Variants in LAMA5 observed in about 807,000 individuals in gnomAD.
The protein encoded by LAMA5 is laminin subunit alpha-5.
In LAMA5, 260 loss-of-function variants were observed where a neutral mutation model predicts 433.4. That is an observed-to-expected ratio of 0.60 (90% CI 0.54 to 0.66). The LOEUF is 0.66. Among genes scored for constraint, LAMA5 ranks in the 30% least tolerant of loss-of-function variants. The probability of loss-of-function intolerance (pLI) is 0.00; values close to 1 mark genes in which losing one functional copy is unlikely to be tolerated. For synonymous variants in LAMA5, 2,620 were observed against 2,226.6 expected (o/e 1.18, Z -4.97); for missense variants, 5,378 against 5,258.5 (o/e 1.02, Z -0.70).
chr20:62,315,028 C>T lies in LAMA5; in HGVS notation c.8047G>A (p.Val2683Met), dbSNP rs940033959. The T allele has an allele frequency of 6.3e-7, 1 of 1,589,892 alleles. No homozygotes were observed. Among genetic ancestry groups the T allele is most frequent in the Non-Finnish European group, 8.5e-7 (1 of 1,174,082 alleles). Residue 2683 changes from valine to methionine, a missense_variant and splice_region_variant, in exon 59 of 80, where the codon GTG (valine) becomes ATG (methionine). Physicochemically the swap from Val to Met is conservative, Grantham distance 21 (BLOSUM62 1). Coordinates refer to ENST00000252999, the MANE Select transcript of LAMA5 (RefSeq NM_005560.6). Reference protein sequence around the residue: ...GQAVLDAGHSVSTLEKTLPQL... With the variant: ...GQAVLDAGHSMSTLEKTLPQL... ...GGCACCGCGAGGGCCATGGGCGCACCTGAGTGGCCTGCGTCAAGCACTGCC... is the reference window on the plus strand; with the variant it reads ...GGCACCGCGAGGGCCATGGGCGCACTTGAGTGGCCTGCGTCAAGCACTGCC...
At position 62,359,307 on chromosome 20, in the gene LAMA5, C is replaced by T. The variant is rs1271058127; in HGVS notation, c.450+3093G>A. 1.3e-5 allele frequency among the ~76,000 whole-genome samples: 2 copies of T among 152,182 alleles called. No individual in the cohort carries two copies. Among genetic ancestry groups the T allele is most frequent in the East Asian group, 3.9e-4 (2 of 5,176 alleles). ...GGAGGGGACACAGGCCAGAGCCAGCCCCACTCACCCTGCCCAGCTCCTTAC... is the reference window on the plus strand; with the variant it reads ...GGAGGGGACACAGGCCAGAGCCAGCTCCACTCACCCTGCCCAGCTCCTTAC... On this transcript the variant is annotated intron_variant, in intron 2 of 79. Transcript: ENST00000252999. The surrounding 1 kb of genome is among the most constrained non-coding windows in gnomAD (Gnocchi z 4.3).
intron 48 of LAMA5, among the ~76,000 whole-genome samples, chr20:62,321,531 A>G (rs1374745210): frequency 6.9e-5 from 3 of 43,786 alleles, no homozygotes; most frequent in Non-Finnish European, 1.2e-4. Flanking sequence ...GGTCAGTGAA[A>G]GGGTGGCGCC....
chr20:62,311,074 A>G lies in LAMA5; in HGVS notation c.10109T>C (p.Val3370Ala). ...GAGGCCTCGGGAGCTTCGCGGGAGGACGTGCATGGAGAGACTGGGCCTGGA... is the reference window on the plus strand; with the variant it reads ...GAGGCCTCGGGAGCTTCGCGGGAGGGCGTGCATGGAGAGACTGGGCCTGGA... ...HRNWPSLSMHVLPRSSRGLLL... is the reference protein window; with the variant it reads ...HRNWPSLSMHALPRSSRGLLL... The change falls in exon 74 of 80, where the codon GTC becomes GCC. Residue 3370 changes from valine to alanine, a missense_variant. By Grantham distance (64) the Val-to-Ala change is moderately conservative (BLOSUM62 0). Transcript: ENST00000252999. 6.3e-7 allele frequency: 1 copy of G among 1,590,240 alleles called. No homozygotes were observed. Among genetic ancestry groups the G allele is most frequent in the Non-Finnish European group, 8.6e-7 (1 of 1,168,104 alleles).
intron 51 of LAMA5, 142 bp downstream of exon 51, chr20:62,319,542 T>A (rs536627670): frequency 4.9e-6 from 3 of 617,270 alleles, no homozygotes; most frequent in African/African-American, 3.7e-5. Context: ...CCTGCCCTAC[T>A]GTTCACTCCA....
chr20:62,314,947 A>G lies in LAMA5; in HGVS notation c.8048T>C (p.Val2683Ala). 1 of 1,596,298 alleles carries G rather than the reference A, an allele frequency of 6.3e-7. No individual in the cohort carries two copies. The highest frequency in any genetic ancestry group is 2.2e-5 in the East Asian group (1 of 44,730). The change falls in exon 60 of 80, where the codon GTG (valine) becomes GCG (alanine). Residue 2683 changes from valine (V) to alanine (A), a missense_variant and splice_region_variant. Coordinates refer to ENST00000252999, the MANE Select transcript of LAMA5 (RefSeq NM_005560.6). ...GQAVLDAGHS[V>A]STLEKTLPQL... ...GGGCAGCGTCTTCTCCAGGGTGGAC[A>G]CTGCAGAGAGGGAGACCTGAGACCT...
Position 62,317,466 on chromosome 20 carries a change from C to A in LAMA5, c.7390G>T (p.Ala2464Ser). 1 of 1,576,526 alleles carries A rather than the reference C, an allele frequency of 6.3e-7. No individual in the cohort carries two copies. Among genetic ancestry groups the A allele is most frequent in the Admixed American group, 1.8e-5 (1 of 55,846 alleles). ...LERLAASLDG[A>S]RTPLLQRMQT... ...ATCCTCTGCAGCAGTGGGGTCCGAGCCCCATCCAGGCTGGCGGCGAGGCGC... is the reference window on the plus strand; with the variant it reads ...ATCCTCTGCAGCAGTGGGGTCCGAGACCCATCCAGGCTGGCGGCGAGGCGC... The change falls in exon 55 of 80, where the codon GCT (alanine) becomes TCT (serine). Residue 2464 changes from alanine (A) to serine (S), a missense_variant. Coordinates refer to ENST00000252999, the MANE Select transcript of LAMA5 (RefSeq NM_005560.6).
intron 6 of LAMA5, 37 bp from the exon 7 acceptor site, chr20:62,347,065 TGGAGGCA>T (rs1487705089): frequency 5.9e-6 from 9 of 1,533,428 alleles, no homozygotes; most frequent in African/African-American, 1.4e-5. Context: ...AGGCCCATCC[TGGAGGCA>T]GGTGGCAGGT....
Position 62,320,769 on chromosome 20 carries a change from G to A in LAMA5, c.6618C>T (p.His2206=). The change falls in exon 49 of 80, where the codon CAC becomes CAT. Residue 2206 remains histidine (H), a synonymous_variant. Transcript: ENST00000252999. The stretch of plus-strand genomic sequence containing the variant: ...GGTCAGCGATGGAGGCGTTCAGCCT[G>A]TGCAGACGGGCCCAGGCCATGGAGC... ...NASSMAWARL[H]RLNASIADLQ... The A allele has an allele frequency of 6.2e-7, 1 of 1,612,676 alleles. No individual in the cohort carries two copies. The highest frequency in any genetic ancestry group is 8.5e-7 in the Non-Finnish European group (1 of 1,179,902).
At chr20:62,323,383 G>A (rs1978668789) in intron 45 of LAMA5, 73 bp downstream of exon 45, 13 of 1,229,112 alleles carry the variant, frequency 1.1e-5, no homozygotes, top group Admixed American at 2.5e-5. Context: ...CTACTTACGG[G>A]GTACGCCCAG....
At chr20:62,341,079 T>G (rs944499884) in intron 11 of LAMA5, among the ~76,000 whole-genome samples, 1 of 94,750 alleles carries the variant, frequency 1.1e-5, no homozygotes, top group African/African-American at 3.0e-5. Context: ...AATAAATAAA[T>G]AAAATTAAAA....
At chr20:62,351,847 AC>A in intron 5 of LAMA5, 46 bp from the exon 6 acceptor site, 1 of 1,579,106 alleles carries the variant, frequency 6.3e-7, no homozygotes, top group Non-Finnish European at 8.6e-7. Context: ...GGCCTCACTC[AC>A]CCTGAGTCCC....
chr20:62,311,368 C>G (rs747713568), intron 72 of LAMA5, 33 bp downstream of exon 72: 1 of 1,528,540 alleles, frequency 6.5e-7, no homozygotes, highest in African/African-American at 1.4e-5. Context: ...TCCAGCCACC[C>G]CAGCTCTGCC....
Position 62,345,871 on chromosome 20 carries a change from G to A in LAMA5, c.1424C>T (p.Pro475Leu), listed in dbSNP as rs1983276936. 1 of 1,553,534 alleles carries A rather than the reference G, an allele frequency of 6.4e-7. No homozygotes were observed. Among genetic ancestry groups the A allele is most frequent in the Non-Finnish European group, 8.7e-7 (1 of 1,148,398 alleles). The change falls in exon 11 of 80, where the codon CCC (proline) becomes CTC (leucine). Residue 475 changes from proline to leucine, a missense_variant. Coordinates refer to ENST00000252999, the MANE Select transcript of LAMA5 (RefSeq NM_005560.6). ...FTGFPSCYPT[P>L]SSSNDTREQV... ...CTCCCTGGTGTCATTGGAGGACGAG[G>A]GCGTCGCTGAGGGGAAGAGACACGC...
rs778433543 is a variant in LAMA5, at chr20:62,318,615, A to G, written c.7078T>C (p.Trp2360Arg). 1.2e-6 allele frequency: 2 copies of G among 1,610,674 alleles called. No homozygotes were observed. Among genetic ancestry groups the G allele is most frequent in the South Asian group, 1.1e-5 (1 of 91,044 alleles). ...GTGGCCAGTGCCTGGTTCTCCTCCC[A>G]GAGGCTGCTCAGCTGCTCCTGCACC... The part of the protein sequence containing the change: ...ARVQEQLSSL[W>R]EENQALATQT... The change falls in exon 53 of 80, where the codon TGG becomes CGG. Residue 2360 changes from tryptophan to arginine, a missense_variant. Physicochemically the swap from Trp to Arg is moderately radical, Grantham distance 101. Transcript: ENST00000252999.
At position 62,367,125 on chromosome 20, in the gene LAMA5, C is replaced by A; in HGVS notation, c.121G>T (p.Gly41Cys). 7.8e-7 allele frequency: 1 copy of A among 1,274,894 alleles called. No individual in the cohort carries two copies. Among genetic ancestry groups the A allele is most frequent in the South Asian group, 2.9e-5 (1 of 35,016 alleles). The allele number at this position is 1,274,894 out of a possible 1,614,324, so 79.0% of individuals were successfully genotyped here. A position where few individuals can be genotyped will look rare whatever the true frequency, so the allele number is the denominator to read the frequency against. The change falls in exon 1 of 80, where the codon GGC (glycine) becomes TGC (cysteine). Residue 41 changes from glycine (G) to cysteine (C), a missense_variant. Coordinates refer to ENST00000252999, the MANE Select transcript of LAMA5 (RefSeq NM_005560.6). ...TAGGGCGGGTGCAGGCTGAAGCCGCCGCCCGCCTCCTCCCGCGCCCGCGCC... is the reference window on the plus strand; with the variant it reads ...TAGGGCGGGTGCAGGCTGAAGCCGCAGCCCGCCTCCTCCCGCGCCCGCGCC... ...GAARAREEAGGGFSLHPPYFN... is the reference protein window; with the variant it reads ...GAARAREEAGCGFSLHPPYFN...
At chr20:62,325,143 G>A in intron 41 of LAMA5, 173 bp downstream of exon 41, 1 of 575,904 alleles carries the variant, frequency 1.7e-6, no homozygotes, top group Non-Finnish European at 3.1e-6. Context: ...CAGGCAGCAG[G>A]GGACAGGCAG....
intron 63 of LAMA5, 73 bp from the exon 64 acceptor site, chr20:62,313,533 A>C: frequency 6.4e-7 from 1 of 1,556,948 alleles, no homozygotes. Context: ...AGGGGACTTC[A>C]GACTACAGCA....
In LAMA5 at chr20:62,323,844, G is replaced by T; in HGVS notation, c.5781C>A (p.Gly1927=). ...GGGTGCGGCCGCCTCGCAGGACACA[G>T]CCCTCGGCGAAGCTGCAAAGACCAG... ...LSVPSNNFAE[G]CVLRGGRTQC... Residue 1927 remains glycine (G), a synonymous_variant, in exon 44 of 80, where the codon GGC becomes GGA. Coordinates refer to ENST00000252999, the MANE Select transcript of LAMA5 (RefSeq NM_005560.6). The T allele has an allele frequency of 6.2e-7, 1 of 1,607,366 alleles. No individual in the cohort carries two copies.
At chr20:62,321,743 CCAGTGGAGGGGTGGGGT>C (rs1345862821) in intron 48 of LAMA5, among the ~76,000 whole-genome samples, 76 of 50,010 alleles carry the variant, frequency 1.5e-3, no homozygotes, top group African/African-American at 7.0e-3. Context: ...AGGGGTGGGG[CCAGTGGAGGGGTGGGGT>C]CAGTGGGGGA....
Sources: gnomAD v4.1 joint callset for allele counts (sites outside exome capture counted in the v4.1 genomes callset) on GRCh38, gnomAD v4.1.1 for gene constraint, Gnocchi (gnomAD v3.1) non-coding constraint, MANE v1.5 for transcripts, NCBI Gene and HGNC (gene_info 2026-07-23, HGNC 2026-07-21) for gene names.